The following MCMDC2 variants were observed in gnomAD, a reference collection of about 807,000 sequenced individuals.
MCMDC2 encodes the protein minichromosome maintenance domain containing 2, also known as minichromosome maintenance domain-containing protein 2.
A neutral mutation model predicts 75.8 loss-of-function variants in MCMDC2; 54 were observed. The ratio of observed to expected loss-of-function variants is 0.71; its 90% CI spans 0.57 to 0.89. MCMDC2 has a LOEUF of 0.89. Among genes scored for constraint, MCMDC2 ranks in the 40% least tolerant of loss-of-function variants. The pLI, the probability that MCMDC2 is intolerant of heterozygous loss-of-function variation, is 0.00. For missense variants in MCMDC2, 656 were observed against 780.4 expected (o/e 0.84, Z 1.90); for synonymous variants, 249 against 274.6 (o/e 0.91, Z 0.92).
chr8:66,884,469 C>T (rs1224431268), intron 9 of MCMDC2: 1 of 157,442 alleles, frequency 6.4e-6, no homozygotes, highest in African/African-American at 2.4e-5. Flanking sequence ...TGTGGCTCCC[C>T]ACTAGCAAGT....
intron 14 of MCMDC2, among the ~76,000 whole-genome samples, chr8:66,909,824 AC>A (rs1234929501): frequency 6.6e-6 from 1 of 152,232 alleles, no homozygotes; most frequent in Non-Finnish European, 1.5e-5. Flanking sequence ...AATGTTAATC[AC>A]CAAGACAATG....
chr8:66,897,783 G>A (rs955510260), intron 12 of MCMDC2, among the ~76,000 whole-genome samples: 2 of 152,160 alleles, frequency 1.3e-5, no homozygotes, highest in Non-Finnish European at 2.9e-5. Flanking sequence ...AGTAAGTGAT[G>A]TAAATTTAGT....
At chr8:66,873,346 C>T (rs1474433068) in intron 1 of MCMDC2, among the ~76,000 whole-genome samples, 1 of 152,154 alleles carries the variant, frequency 6.6e-6, no homozygotes, top group Non-Finnish European at 1.5e-5. Context: ...CCAGGAAATG[C>T]TGGGTCTAGA....
chr8:66,897,406 C>CAA (rs745366466), intron 12 of MCMDC2, among the ~76,000 whole-genome samples: 3 of 72,262 alleles, frequency 4.2e-5, no homozygotes, highest in Non-Finnish European at 5.6e-5. Context: ...GACCCTGTCT[C>CAA]AAAAAAAAAA....
In MCMDC2 at chr8:66,877,425, A is replaced by G; in HGVS notation, c.362A>G (p.Asp121Gly). The change falls in exon 5 of 15, where the codon GAT (aspartate) becomes GGT (glycine). Residue 121 changes from aspartate (D) to glycine (G), a missense_variant. Coordinates refer to ENST00000422365, the MANE Select transcript of MCMDC2 (RefSeq NM_173518.5). ...YGLDLCEFPLDYTSQRFYMMQ... is the reference protein window; with the variant it reads ...YGLDLCEFPLGYTSQRFYMMQ... ...CTTGATCTTTGTGAGTTTCCACTTG[A>G]TTATACATCTCAGAGATTTTATATG... 6.2e-7 allele frequency: 1 copy of G among 1,613,296 alleles called. No homozygotes were observed. Among genetic ancestry groups the G allele is most frequent in the Non-Finnish European group, 8.5e-7 (1 of 1,179,624 alleles).
In MCMDC2 at chr8:66,890,870, T is replaced by G; in HGVS notation, c.1079T>G (p.Leu360Arg). 1.9e-6 allele frequency: 3 copies of G among 1,600,274 alleles called. No individual in the cohort carries two copies. Among genetic ancestry groups the G allele is most frequent in the Non-Finnish European group, 2.5e-6 (3 of 1,176,824 alleles). ...TSDTLLIDRL[L>R]NFSINLVPRG... ...AGTTTATTTTTTTTCCCTAGGCTTC[T>G]GAATTTTAGCATAAACCTTGTCCCC... Residue 360 changes from leucine to arginine, a missense_variant, in exon 10 of 15, where the codon CTG becomes CGG. Transcript: ENST00000422365.
downstream of MCMDC2, chr8:66,922,431 C>A: frequency 2.0e-6 from 1 of 504,062 alleles, no homozygotes; most frequent in Non-Finnish European, 4.0e-6. Flanking sequence ...TAAATTATTG[C>A]CTTACATACA....
intron 9 of MCMDC2, among the ~76,000 whole-genome samples, chr8:66,886,174 T>C (rs1186903639): frequency 6.6e-6 from 1 of 150,572 alleles, no homozygotes; most frequent in Non-Finnish European, 1.5e-5. Flanking sequence ...TTTTTTTTTT[T>C]TTTTTTTAAG....
intron 12 of MCMDC2, among the ~76,000 whole-genome samples, chr8:66,900,457 A>C (rs115159422): frequency 0.034 from 5,185 of 152,100 alleles, 96 homozygotes; most frequent in Admixed American, 0.046. Context: ...TAAAAAAAAA[A>C]CATATAAATT....
chr8:66,924,840 A>T (rs1342228983), downstream of MCMDC2, among the ~76,000 whole-genome samples: 1 of 152,164 alleles, frequency 6.6e-6, no homozygotes, highest in Non-Finnish European at 1.5e-5. Context: ...AGCGCGTATT[A>T]CGAAGGAAGG....
chr8:66,893,347 A>G (rs1321138738), intron 10 of MCMDC2, among the ~76,000 whole-genome samples: 1 of 152,174 alleles, frequency 6.6e-6, no homozygotes, highest in Non-Finnish European at 1.5e-5. Context: ...CATCTCTACA[A>G]AAAAAAGCAA....
At chr8:66,880,748 A>G in intron 7 of MCMDC2, 101 bp from the exon 8 acceptor site, 2 of 1,153,330 alleles carry the variant, frequency 1.7e-6, no homozygotes, top group Middle Eastern at 3.2e-4. Context: ...TCCTAACTCA[A>G]CTACTGAATT....
Position 66,909,291 on chromosome 8 carries a change from T to C in MCMDC2, c.1879+3956T>C, listed in dbSNP as rs1249354131. 1.3e-5 allele frequency among the ~76,000 whole-genome samples: 2 copies of C among 152,208 alleles called. 1 individual carries two copies. The highest frequency in any genetic ancestry group is 4.1e-4 in the South Asian group (2 of 4,834). ...TTACTCAGTCTCAGGCAGTTCTTTA[T>C]AGCAGTATGAAAATAGATTAATACA... On this transcript the variant is annotated intron_variant, in intron 14 of 14. Transcript: ENST00000422365.
chr8:66,898,379 A>C (rs995852138), intron 12 of MCMDC2, among the ~76,000 whole-genome samples: 1 of 152,028 alleles, frequency 6.6e-6, no homozygotes, highest in Non-Finnish European at 1.5e-5. Flanking sequence ...TAATCCCAGC[A>C]CTTTGGGAGG....
At chr8:66,881,511 A>AC (rs1196958852) in intron 8 of MCMDC2, among the ~76,000 whole-genome samples, 3 of 152,138 alleles carry the variant, frequency 2.0e-5, no homozygotes, top group Non-Finnish European at 2.9e-5. Context: ...AGATGGTGAA[A>AC]CCCCATCTCT....
rs907183031 is a variant in MCMDC2 at position 66,916,966 on chromosome 8, A to G, written c.1880-2037A>G. ...TAGGGGAGAAAGGAAGATTTTGAGC[A>G]AAGTGCTAAGAGCTGCTGGTTGACT... On this transcript the variant is annotated intron_variant, in intron 14 of 14. Transcript: ENST00000422365. 2.0e-5 allele frequency among the ~76,000 whole-genome samples: 3 copies of G among 152,318 alleles called. No homozygotes were observed. In the East Asian group the frequency reaches 5.8e-4, roughly 29 times the overall value.
At chr8:66,909,398 C>T (rs1048741996) in intron 14 of MCMDC2, among the ~76,000 whole-genome samples, 2 of 152,128 alleles carry the variant, frequency 1.3e-5, no homozygotes, top group African/African-American at 4.8e-5. Flanking sequence ...TGACAACAGG[C>T]AGAGGGTGGA....
chr8:66,876,982 G>A (rs536473634), intron 4 of MCMDC2, among the ~76,000 whole-genome samples: 63 of 152,102 alleles, frequency 4.1e-4, no homozygotes, highest in South Asian at 1.2e-3. Flanking sequence ...GGATGGTCTC[G>A]ATCTCCTGAC....
chr8:66,899,537 C>T (rs1242197239), intron 12 of MCMDC2, among the ~76,000 whole-genome samples: 2 of 152,172 alleles, frequency 1.3e-5, no homozygotes. Flanking sequence ...CGCTCTGTTA[C>T]CAGGTTGGAG....
Sources: gnomAD v4.1 joint callset for allele counts (sites outside exome capture counted in the v4.1 genomes callset) on GRCh38, gnomAD v4.1.1 for gene constraint, MANE v1.5 for transcripts, NCBI Gene and HGNC (gene_info 2026-07-23, HGNC 2026-07-21) for gene names.